The following FLYWCH1 variants were observed in gnomAD, a reference collection of about 807,000 sequenced individuals.
FLYWCH1 encodes FLYWCH-type zinc finger 1, also known as FLYWCH-type zinc finger-containing protein 1.
A neutral mutation model predicts 66.4 loss-of-function variants in FLYWCH1; 75 were observed. The observed-to-expected ratio is 1.13, with a 90% CI of 0.94 to 1.37. The LOEUF (loss-of-function observed/expected upper bound fraction) is 1.37. Among genes scored for constraint, FLYWCH1 ranks in the 40% most tolerant of loss-of-function variants. The pLI, the probability that FLYWCH1 is intolerant of heterozygous loss-of-function variation, is 0.00. For synonymous variants in FLYWCH1, 595 were observed against 429.9 expected, an observed-to-expected ratio of 1.38 and a Z score of -4.75; for missense variants, 1,334 against 1,001.8, an observed-to-expected ratio of 1.33 and a Z score of -4.48.
At chr16:2,931,979 G>A (rs1211431370) in intron 4 of FLYWCH1, among the ~76,000 whole-genome samples, 4 of 152,044 alleles carry the variant, frequency 2.6e-5, no homozygotes, top group Admixed American at 6.6e-5. Context: ...TTAGCCAGGC[G>A]TGGTAGCGGG....
chr16:2,933,395 G>T lies in FLYWCH1; in HGVS notation c.1062G>T (p.Gly354=), dbSNP rs368954457. 1.1e-4 allele frequency: 169 copies of T among 1,601,992 alleles called. No individual in the cohort carries two copies. In the African/African-American group the frequency reaches 2.0e-3, roughly 19 times the overall value. ...QEKAVETLQA[G]QDGPGSQVDT... The stretch of plus-strand genomic sequence containing the variant: ...AGGCCGTGGAGACGCTGCAGGCTGG[G>T]CAGGACGGCCCTGGGAGCCAAGTGG... The change falls in exon 5 of 10, where the codon GGG becomes GGT. Residue 354 remains glycine, a synonymous_variant. Coordinates refer to ENST00000253928, the MANE Select transcript of FLYWCH1 (RefSeq NM_001308068.2).
intron 1 of FLYWCH1, among the ~76,000 whole-genome samples, chr16:2,912,454 C>G (rs961406176): frequency 2.6e-5 from 4 of 152,042 alleles, no homozygotes; most frequent in African/African-American, 9.7e-5. Context: ...CCCGCAGCAT[C>G]AGCCCCGTCC....
rs539925550 is a variant in FLYWCH1 at position 2,949,880 on chromosome 16, C to G, written c.*1153C>G. The G allele has an allele frequency of 6.6e-6, 1 of 152,172 alleles. No homozygotes were observed. 9.4% of individuals were successfully genotyped at this position (152,172 alleles called of 1,614,324 possible). A position where few individuals can be genotyped will look rare whatever the true frequency, so the allele number is the denominator to read the frequency against. On this transcript the variant is annotated 3_prime_UTR_variant, in exon 10 of 10. Transcript: ENST00000253928. Reference sequence around the variant, plus strand: ...AGTTGGCCGCCGTGAAACCACACTCCGTCACATCTCCATGCCAGTGCCCAG... The same window carrying G: ...AGTTGGCCGCCGTGAAACCACACTCGGTCACATCTCCATGCCAGTGCCCAG...
intron 2 of FLYWCH1, among the ~76,000 whole-genome samples, chr16:2,918,341 GT>G (rs1033891409): frequency 3.1e-4 from 47 of 152,056 alleles, no homozygotes; most frequent in African/African-American, 1.0e-3. Context: ...TAGAGACGGG[GT>G]TTCACCGTGT....
At position 2,930,794 on chromosome 16, in the gene FLYWCH1, G is replaced by T; in HGVS notation, c.710G>T (p.Ser237Ile). ...GAGCCCACTCCTGGGCTGGTGCTGA[G>T]CAAGCCGGCCCTGGAGGAGGAGGAG... Reference protein sequence around the residue: ...EPEPTPGLVLSKPALEEEEAP... With the variant: ...EPEPTPGLVLIKPALEEEEAP... The change falls in exon 4 of 10, where the codon AGC becomes ATC. Residue 237 changes from serine (S) to isoleucine (I), a missense_variant. Ser to Ile is a moderately radical substitution (Grantham distance 142). Transcript: ENST00000253928. 1 of 1,595,040 alleles carries T rather than the reference G, an allele frequency of 6.3e-7. No homozygotes were observed.
At chr16:2,918,349 G>A (rs992555094) in intron 2 of FLYWCH1, among the ~76,000 whole-genome samples, 112 of 151,586 alleles carry the variant, frequency 7.4e-4, no homozygotes, top group African/African-American at 2.6e-3. Flanking sequence ...GGGTTTCACC[G>A]TGTTAGCCAG....
chr16:2,929,492 C>T (rs1004917968), intron 2 of FLYWCH1, 121 bp from the exon 3 acceptor site: 119 of 694,226 alleles, frequency 1.7e-4, no homozygotes, highest in Middle Eastern at 8.2e-4. Context: ...ATCAGGCCCC[C>T]GGCCAGTCTT....
intron 4 of FLYWCH1, among the ~76,000 whole-genome samples, chr16:2,931,332 A>C (rs1158502294): frequency 2.8e-5 from 4 of 145,016 alleles, no homozygotes; most frequent in African/African-American, 1.0e-4. Context: ...AAAAAAAAAT[A>C]CATAAATGTG....
At chr16:2,926,506 C>T (rs1232822953) in intron 2 of FLYWCH1, among the ~76,000 whole-genome samples, 2 of 152,140 alleles carry the variant, frequency 1.3e-5, no homozygotes, top group Admixed American at 6.5e-5. Context: ...ATCGCTCGGT[C>T]AATGCAAAAT....
chr16:2,934,034 C>G (rs1018414110), intron 6 of FLYWCH1, 55 bp downstream of exon 6: 4 of 1,456,350 alleles, frequency 2.7e-6, no homozygotes, highest in Non-Finnish European at 3.6e-6. Context: ...GAGCCCCACA[C>G]TGCCTTTCCC....
In FLYWCH1 at chr16:2,950,232, C is replaced by A. The variant is rs79549431; in HGVS notation, c.*1505C>A. 0.07 allele frequency: 10,682 copies of A among 152,388 alleles called. 424 individuals are homozygous for A. The highest frequency in any genetic ancestry group is 0.084 in the African/African-American group (3,489 of 41,546). 9.4% of individuals were successfully genotyped at this position (152,388 alleles called of 1,614,324 possible). A position where few individuals can be genotyped will look rare whatever the true frequency, so the allele number is the denominator to read the frequency against. ...TGGCAGAGGACACACAACACAGTGG[C>A]TGCGCTTTGGGCACTGTTCTCGGCC... On this transcript the variant is annotated 3_prime_UTR_variant, in exon 10 of 10. Transcript: ENST00000253928.
rs564102317 is a variant in FLYWCH1, at chr16:2,948,668, A to G, written c.2112-20A>G. 13 of 1,612,904 alleles carry G rather than the reference A, an allele frequency of 8.1e-6. No homozygotes were observed. The East Asian group carries it at 2.7e-4, about 33-fold the overall frequency. On this transcript the variant is annotated intron_variant, in intron 9 of 9. Transcript: ENST00000253928. ...CCATGTTTTGATGTGTGCAATGAAC[A>G]TGTGTCTCTTTGTAATTAGGGACAT... is the stretch of plus-strand genomic sequence containing the variant.
At chr16:2,932,930 A>G (rs1239515107) in intron 4 of FLYWCH1, among the ~76,000 whole-genome samples, 200 bp from the exon 5 acceptor site, 1 of 151,670 alleles carries the variant, frequency 6.6e-6, no homozygotes, top group Non-Finnish European at 1.5e-5. Context: ...GAGAGGAATG[A>G]GACTCTCCTC....
At chr16:2,941,826 G>A (rs2071273659) in intron 9 of FLYWCH1, among the ~76,000 whole-genome samples, 1 of 151,818 alleles carries the variant, frequency 6.6e-6, no homozygotes, top group Admixed American at 6.6e-5. Context: ...TTCAAGACCA[G>A]CCTGACCAAC....
intron 2 of FLYWCH1, among the ~76,000 whole-genome samples, chr16:2,915,671 G>C (rs773547778): frequency 1.3e-5 from 2 of 151,992 alleles, no homozygotes; most frequent in African/African-American, 4.8e-5. Flanking sequence ...ACTTTGAGAG[G>C]CCAAGGTGGG....
At chr16:2,938,702 T>C (rs2071132218) in intron 8 of FLYWCH1, among the ~76,000 whole-genome samples, 1 of 143,610 alleles carries the variant, frequency 7.0e-6, no homozygotes, top group African/African-American at 2.6e-5. Flanking sequence ...AAGCTCCGCC[T>C]CCCGGGTTCA....
rs114347200 is a variant in FLYWCH1 at position 2,948,851 on chromosome 16, G to C, written c.*124G>C. The C allele has an allele frequency of 1.3e-3, 1,043 of 823,192 alleles. 7 individuals carry two copies. The African/African-American group carries it at 0.016, about 12-fold the overall frequency. The allele number at this position is 823,192 out of a possible 1,614,324, so 51.0% of individuals were successfully genotyped here. A position where few individuals can be genotyped will look rare whatever the true frequency, so the allele number is the denominator to read the frequency against. On this transcript the variant is annotated 3_prime_UTR_variant, in exon 10 of 10. Coordinates refer to ENST00000253928, the MANE Select transcript of FLYWCH1 (RefSeq NM_001308068.2). ...CTTTTCATTCTTCCAAAGCATCGAT[G>C]GTCTTCGCGTCTCCTCAGGAGGTCT...
chr16:2,937,056 G>C (rs992191593), intron 6 of FLYWCH1, 65 bp from the exon 7 acceptor site: 4 of 1,247,102 alleles, frequency 3.2e-6, no homozygotes, highest in Non-Finnish European at 4.2e-6. Flanking sequence ...TCTCATCTCG[G>C]GGCCATGCTG....
chr16:2,949,033 C>T lies in FLYWCH1; in HGVS notation c.*306C>T, dbSNP rs185523719. ...CCTGGACACGGACGCCCCTGCTGTA[C>T]GGCCACAGCACCCCTGGGTTTGCAG... On this transcript the variant is annotated 3_prime_UTR_variant, in exon 10 of 10. Transcript: ENST00000253928. The T allele has an allele frequency of 4.4e-4, 187 of 422,260 alleles. No individual in the cohort carries two copies. The highest frequency in any genetic ancestry group is 3.4e-3 in the African/African-American group (170 of 49,514). The allele number at this position is 422,260 out of a possible 1,614,324, so 26.2% of individuals were successfully genotyped here.
Sources: allele counts gnomAD v4.1 joint callset (sites outside exome capture counted in the v4.1 genomes callset), GRCh38; gene constraint gnomAD v4.1.1; transcripts MANE v1.5; gene names NCBI Gene and HGNC (gene_info 2026-07-23, HGNC 2026-07-21).